The following LYRM4 variants were observed in gnomAD, a reference collection of about 807,000 sequenced individuals.
LYRM4 encodes LYR motif-containing protein 4.
A neutral mutation model predicts 11.7 loss-of-function variants in LYRM4; 9 were observed. The observed-to-expected ratio is 0.77, with a 90% CI of 0.46 to 1.34. The LOEUF (loss-of-function observed/expected upper bound fraction) is 1.34, where lower values mean the gene tolerates loss of function less well. Among genes scored for constraint, LYRM4 ranks in the 40% most tolerant of loss-of-function variants. LYRM4 has a pLI of 0.00. For missense variants in LYRM4, 133 were observed against 112.5 expected (o/e 1.18, Z -0.82); for synonymous variants, 42 against 40.4 (o/e 1.04, Z -0.15).
At position 5,230,102 on chromosome 6, in the gene LYRM4, C is replaced by T. The variant is rs571550738; in HGVS notation, c.87-13364G>A. Among the ~76,000 whole-genome samples the T allele has an allele frequency of 6.6e-5, 10 of 152,292 alleles. No individual in the cohort carries two copies. In the South Asian group the frequency reaches 1.0e-3, roughly 16 times the overall value. On this transcript the variant is annotated intron_variant, in intron 1 of 2. Transcript: ENST00000330636. Reference sequence around the variant, plus strand: ...CAGTTAGGCATGCAGATCAAGCAGCCGCGAGGTCTCTGGCTCCTTTTTTGT... The same window carrying T: ...CAGTTAGGCATGCAGATCAAGCAGCTGCGAGGTCTCTGGCTCCTTTTTTGT...
intron 1 of LYRM4, among the ~76,000 whole-genome samples, chr6:5,250,146 T>A (rs1039498250): frequency 2.0e-5 from 3 of 152,136 alleles, no homozygotes; most frequent in African/African-American, 7.2e-5. Flanking sequence ...ATCTTTATTT[T>A]CTCATTGCTT....
chr6:5,122,810 T>G (rs1352280982), intron 2 of LYRM4, among the ~76,000 whole-genome samples: 1 of 152,188 alleles, frequency 6.6e-6, no homozygotes, highest in Non-Finnish European at 1.5e-5. Context: ...CTGCACGGTT[T>G]CCCAGTACAT....
the LYRM4 span, among the ~76,000 whole-genome samples, chr6:5,081,102 T>C: frequency 5.8e-4 from 82 of 140,696 alleles, 1 homozygote; most frequent in South Asian, 0.018. Context: ...TGGAGGCACA[T>C]GATGTTTGAA....
intron 2 of LYRM4, among the ~76,000 whole-genome samples, chr6:5,188,337 A>G (rs148737405): frequency 1.3e-5 from 2 of 152,252 alleles, no homozygotes; most frequent in African/African-American, 2.4e-5. Context: ...ACTGCACTCC[A>G]GCCTAGGTGA....
intron 1 of LYRM4, among the ~76,000 whole-genome samples, chr6:5,226,865 C>A (rs1762924219): frequency 6.6e-6 from 1 of 151,886 alleles, no homozygotes; most frequent in Non-Finnish European, 1.5e-5. Flanking sequence ...TTTTAAAGTT[C>A]CTATTGATAT....
At chr6:5,070,869 GAAAAAAAAA>G in the LYRM4 span, among the ~76,000 whole-genome samples, 2 of 48,096 alleles carry the variant, frequency 4.2e-5, no homozygotes, top group Non-Finnish European at 8.5e-5. Flanking sequence ...ACCCTGTCTT[GAAAAAAAAA>G]AAAAAAAAAA....
intron 1 of LYRM4, 129 bp downstream of exon 1, chr6:5,260,511 CGGAGCCCG>C: frequency 8.3e-7 from 1 of 1,201,974 alleles, no homozygotes; most frequent in Non-Finnish European, 1.1e-6. Flanking sequence ...TTTTCGATGG[CGGAGCCCG>C]GTCCTTGCCT....
the LYRM4 span, among the ~76,000 whole-genome samples, chr6:5,078,752 G>C: frequency 6.6e-6 from 1 of 152,036 alleles, no homozygotes; most frequent in Non-Finnish European, 1.5e-5. Flanking sequence ...TGGGGCCTAA[G>C]GTGCTATAGA....
At chr6:5,127,610 G>C (rs186354866) in intron 2 of LYRM4, among the ~76,000 whole-genome samples, 2 of 152,094 alleles carry the variant, frequency 1.3e-5, no homozygotes, top group East Asian at 3.9e-4. Flanking sequence ...CAAAGACTTA[G>C]TAAGAAAAAA....
intron 2 of LYRM4, among the ~76,000 whole-genome samples, chr6:5,153,935 GC>G (rs1758237085): frequency 6.6e-6 from 1 of 151,990 alleles, no homozygotes; most frequent in Non-Finnish European, 1.5e-5. Flanking sequence ...ACCCTGAAAC[GC>G]CCTAAACAGG....
intron 2 of LYRM4, among the ~76,000 whole-genome samples, chr6:5,162,808 G>C (rs1758844843): frequency 6.6e-6 from 1 of 152,068 alleles, no homozygotes; most frequent in Non-Finnish European, 1.5e-5. Context: ...TTGAATAGTT[G>C]AATTACATAC....
chr6:5,041,250 T>G, the LYRM4 span, among the ~76,000 whole-genome samples: 2 of 152,198 alleles, frequency 1.3e-5, no homozygotes, highest in Admixed American at 6.5e-5. Context: ...TTCAGTGTGG[T>G]GTAAATGTGG....
intron 2 of LYRM4, among the ~76,000 whole-genome samples, chr6:5,120,642 T>G (rs1034971674): frequency 1.3e-5 from 2 of 152,156 alleles, no homozygotes. Flanking sequence ...TGGTCCAGTT[T>G]ACAGAGTGCT....
chr6:5,073,146 G>A, the LYRM4 span, among the ~76,000 whole-genome samples: 2 of 152,030 alleles, frequency 1.3e-5, no homozygotes, highest in Non-Finnish European at 2.9e-5. Flanking sequence ...AGGCCGAGGC[G>A]GGCAGTGGGC....
chr6:5,186,564 A>G, intron 2 of LYRM4: 1 of 975,042 alleles, frequency 1.0e-6, no homozygotes, highest in Non-Finnish European at 1.2e-6. Context: ...TACTTCAAAA[A>G]CTAAACATTT....
At chr6:5,112,683 G>A (rs1227279419) in intron 2 of LYRM4, among the ~76,000 whole-genome samples, 1 of 152,160 alleles carries the variant, frequency 6.6e-6, no homozygotes, top group Admixed American at 6.5e-5. Context: ...AAATGACCTA[G>A]CATCTGGAAT....
intron 1 of LYRM4, among the ~76,000 whole-genome samples, chr6:5,218,943 C>A (rs1180135514): frequency 3.3e-5 from 5 of 152,178 alleles, no homozygotes; most frequent in Non-Finnish European, 7.4e-5. Context: ...AAAGCAGTTT[C>A]TTTTTTGGCA....
rs1177105738 is a variant in LYRM4 at position 5,256,490 on chromosome 6, GGAAAAAAAAAAAAAAAAAAAA to G, written c.86+4137_86+4157del. On this transcript the variant is annotated intron_variant, in intron 1 of 2. Coordinates refer to ENST00000330636, the MANE Select transcript of LYRM4 (RefSeq NM_020408.6). The stretch of plus-strand genomic sequence containing the variant: ...GGGCAACAAGGGCAAGATTTCAACT[GGAAAAAAAAAAAAAAAAAAAA>G]AAAAAAAAAAAAAAAAAAAGAATGT... 2.9e-4 allele frequency among the ~76,000 whole-genome samples: 11 copies of G among 37,522 alleles called. 1 individual carries two copies. The South Asian group carries it at 4.2e-3, about 14-fold the overall frequency. The allele number at this position is 37,522 out of a possible 152,430, so 24.6% of individuals were successfully genotyped here.
At chr6:5,220,943 G>A (rs4502984) in intron 1 of LYRM4, among the ~76,000 whole-genome samples, 40,684 of 151,894 alleles carry the variant, frequency 0.27, 5,688 homozygotes, top group Middle Eastern at 0.42. Context: ...CGATCCTTCC[G>A]CCTCACCCTC....
Sources: allele counts gnomAD v4.1 joint callset (sites outside exome capture counted in the v4.1 genomes callset), GRCh38; gene constraint gnomAD v4.1.1; transcripts MANE v1.5; gene names NCBI Gene and HGNC (gene_info 2026-07-23, HGNC 2026-07-21).